Variants in PTPRF observed in about 807,000 individuals in gnomAD.
PTPRF encodes protein tyrosine phosphatase receptor type F.
Under a neutral mutation model 201.8 loss-of-function variants are expected in PTPRF, and 59 were observed. That is an observed-to-expected ratio of 0.29 (90% CI 0.24 to 0.36). PTPRF has a LOEUF of 0.36. Ranked by LOEUF, PTPRF falls within the 10% of genes least tolerant of loss-of-function variation. The pLI is 1.00. For missense variants in PTPRF, 2,132 were observed against 2,690.5 expected (o/e 0.79, Z 4.59); for synonymous variants, 1,088 against 1,089.7 (o/e 1.00, Z 0.03).
Position 43,621,082 on chromosome 1 carries a change from T to C in PTPRF, c.5520-15T>C. 1.9e-6 allele frequency: 3 copies of C among 1,613,230 alleles called. No homozygotes were observed. The highest frequency in any genetic ancestry group is 2.2e-5 in the South Asian group (2 of 91,036). On this transcript the variant is annotated splice_polypyrimidine_tract_variant and intron_variant, in intron 32 of 33. Transcript: ENST00000359947. ...AGGCAAGCAGGACTCCTGACCCAAC[T>C]GTGTTTCTGAGCAGTGCTGGCGTGG...
In PTPRF at chr1:43,605,170, GC is replaced by G; in HGVS notation, c.3136-16del. 2.5e-6 allele frequency: 4 copies of G among 1,582,870 alleles called. No homozygotes were observed. Among genetic ancestry groups the G allele is most frequent in the Non-Finnish European group, 3.5e-6 (4 of 1,158,872 alleles). ...GGAACCTCACCCAAAGGCATTGATTGCCCCTCCCGTCCCCCACAGATTCTGT... is the reference window on the plus strand; with the variant it reads ...GGAACCTCACCCAAAGGCATTGATTGCCCTCCCGTCCCCCACAGATTCTGT... On this transcript the variant is annotated intron_variant, in intron 17 of 33. Coordinates refer to ENST00000359947, the MANE Select transcript of PTPRF (RefSeq NM_002840.5).
Position 43,595,982 on chromosome 1 carries a change from G to A in PTPRF, c.1814-1766G>A, listed in dbSNP as rs189640992. Among the ~76,000 whole-genome samples the A allele has an allele frequency of 2.0e-4, 31 of 152,230 alleles. No individual in the cohort carries two copies. In the East Asian group the frequency reaches 2.9e-3, roughly 14 times the overall value. The stretch of plus-strand genomic sequence containing the variant: ...GCCTCTAGGGACGTGTGCATAGGAC[G>A]CCAGCCTGCCTCAGTGCCGCTGTAG... On this transcript the variant is annotated intron_variant, in intron 11 of 33. Transcript: ENST00000359947.
intron 3 of PTPRF, among the ~76,000 whole-genome samples, chr1:43,547,925 C>T (rs1462422050): frequency 6.6e-6 from 1 of 152,182 alleles, no homozygotes; most frequent in Admixed American, 6.5e-5. Context: ...GAGGTTTTTG[C>T]TGATCTCAAG....
chr1:43,613,285 C>T (rs746303811), intron 22 of PTPRF: 13 of 345,358 alleles, frequency 3.8e-5, no homozygotes, highest in Non-Finnish European at 7.3e-5. Flanking sequence ...GCTCCTGTCA[C>T]GTCTGCTGCC....
chr1:43,604,000 A>G lies in PTPRF; in HGVS notation c.2848A>G (p.Ser950Gly), dbSNP rs1319465451. ...VLAERNGRII[S>G]YTVVFRDINS... Reference sequence around the variant, plus strand: ...GGCGGAGAGGAACGGGCGCATCATCAGCTACACCGTGGTGTTCCGAGACAT... The same window carrying G: ...GGCGGAGAGGAACGGGCGCATCATCGGCTACACCGTGGTGTTCCGAGACAT... Residue 950 changes from serine to glycine, a missense_variant, in exon 16 of 34, where the codon AGC (serine) becomes GGC (glycine). Transcript: ENST00000359947. This position sits in a 1 kb window ranked among gnomAD's most constrained non-coding sequence, Gnocchi z 5.8. 6.2e-7 allele frequency: 1 copy of G among 1,614,216 alleles called. No homozygotes were observed. The highest frequency in any genetic ancestry group is 1.1e-5 in the South Asian group (1 of 91,080).
intron 5 of PTPRF, among the ~76,000 whole-genome samples, chr1:43,556,616 A>G (rs928822963): frequency 2.0e-5 from 3 of 152,210 alleles, no homozygotes; most frequent in African/African-American, 7.2e-5. Flanking sequence ...TAGAGGAGCC[A>G]TAGAGGACAG....
Position 43,613,628 on chromosome 1 carries a change from C to G in PTPRF, c.3984C>G (p.Asp1328Glu). The G allele has an allele frequency of 1.2e-6, 2 of 1,613,998 alleles. No individual in the cohort carries two copies. The highest frequency in any genetic ancestry group is 1.7e-6 in the Non-Finnish European group (2 of 1,179,828). ...RLNYQTPGMRDHPPIPITDLA... is the reference protein window; with the variant it reads ...RLNYQTPGMREHPPIPITDLA... ...CCCTACCTCCCCTAGGTATGCGAGA[C>G]CACCCACCCATCCCCATCACCGACC... The change falls in exon 23 of 34, where the codon GAC becomes GAG. Residue 1328 changes from aspartate to glutamate, a missense_variant. Asp to Glu is a conservative substitution (Grantham distance 45). This residue lies in a region of PTPRF where 818 missense variants were observed against 915.3 expected (regional missense o/e 0.89). Transcript: ENST00000359947.
intron 22 of PTPRF, among the ~76,000 whole-genome samples, chr1:43,611,929 G>A (rs898008252): frequency 6.6e-6 from 1 of 152,192 alleles, no homozygotes; most frequent in East Asian, 1.9e-4. Flanking sequence ...GAGGGGCCAA[G>A]GAGCATGTGG....
intron 19 of PTPRF, 85 bp from the exon 20 acceptor site, chr1:43,606,155 A>C: frequency 1.2e-5 from 17 of 1,437,738 alleles, no homozygotes; most frequent in Non-Finnish European, 1.5e-5. Flanking sequence ...ATCTCGGCCC[A>C]GGGAGCTGAC....
At position 43,553,630 on chromosome 1, in the gene PTPRF, G is replaced by A. The variant is rs367865707; in HGVS notation, c.230G>A (p.Arg77His). ...AAGGGGAAGAAAGTCAGCTCCCAGC[G>A]CTTCGAGGTGCGTCTGTGGTGGGAA... ...MKKGKKVSSQRFEVIEFDDGA... is the reference protein window; with the variant it reads ...MKKGKKVSSQHFEVIEFDDGA... The change falls in exon 4 of 34, where the codon CGC becomes CAC. Residue 77 changes from arginine to histidine, a missense_variant. By Grantham distance (29) the Arg-to-His change is conservative (BLOSUM62 0). Transcript: ENST00000359947. The surrounding 1 kb of genome is among the most constrained non-coding windows in gnomAD (Gnocchi z 4.1). The A allele has an allele frequency of 1.5e-4, 243 of 1,614,012 alleles. No homozygotes were observed. The highest frequency in any genetic ancestry group is 1.8e-4 in the Non-Finnish European group (210 of 1,180,044).
intron 13 of PTPRF, 148 bp from the exon 14 acceptor site, chr1:43,601,920 AGTT>A: frequency 3.9e-6 from 3 of 777,742 alleles, no homozygotes; most frequent in Non-Finnish European, 6.5e-6. Context: ...TTGAACCGGG[AGTT>A]GTTCTGGGGT....
chr1:43,544,772 C>T (rs55692137), intron 2 of PTPRF, among the ~76,000 whole-genome samples: 3,819 of 152,222 alleles, frequency 0.025, 147 homozygotes, highest in African/African-American at 0.086. Flanking sequence ...GAGAATGGCC[C>T]GAAGGCCTCC....
intron 7 of PTPRF, chr1:43,583,057 A>G: frequency 1.0e-6 from 1 of 985,074 alleles, no homozygotes; most frequent in Non-Finnish European, 1.2e-6. Flanking sequence ...GCACTCTGCC[A>G]TCAACCCAAA....
chr1:43,615,551 C>CTTTTGTTTTTTT (rs1657562261), intron 23 of PTPRF, among the ~76,000 whole-genome samples: 1 of 84,162 alleles, frequency 1.2e-5, no homozygotes, highest in African/African-American at 4.9e-5. Flanking sequence ...GCTCTGTTGT[C>CTTTTGTTTTTTT]TTTTTTTTTT....
chr1:43,606,033 C>G (rs1442898187), intron 19 of PTPRF, among the ~76,000 whole-genome samples: 1 of 152,218 alleles, frequency 6.6e-6, no homozygotes, highest in East Asian at 1.9e-4. Flanking sequence ...GCAGCTTACA[C>G]ACAGGGCTGC....
rs1033313312 is a variant in PTPRF at position 43,537,184 on chromosome 1, G to A, written c.-125-1014G>A. Among the ~76,000 whole-genome samples the A allele has an allele frequency of 6.6e-6, 1 of 152,108 alleles. No homozygotes were observed. Among genetic ancestry groups the A allele is most frequent in the Non-Finnish European group, 1.5e-5 (1 of 68,022 alleles). On this transcript the variant is annotated intron_variant, in intron 1 of 33. Transcript: ENST00000359947. The surrounding 1 kb of genome is among the most constrained non-coding windows in gnomAD (Gnocchi z 4.8). ...AGTGGTGATGAGGTGGTATGGGTGT[G>A]TCTGACCCCCACCCCCACCCAGGAT...
intron 7 of PTPRF, chr1:43,579,276 C>T (rs535495078): frequency 9.0e-5 from 45 of 498,166 alleles, no homozygotes; most frequent in Non-Finnish European, 1.7e-4. Flanking sequence ...GCACACTTAT[C>T]TGTGTGTAAA....
intron 1 of PTPRF, among the ~76,000 whole-genome samples, chr1:43,533,194 C>T (rs1643780397): frequency 6.6e-6 from 1 of 152,028 alleles, no homozygotes. Context: ...TCCTTCCTCC[C>T]TTTCTTCCTT....
intron 1 of PTPRF, among the ~76,000 whole-genome samples, chr1:43,534,134 G>A (rs1239283821): frequency 6.6e-6 from 1 of 152,174 alleles, no homozygotes; most frequent in Non-Finnish European, 1.5e-5. Context: ...GAAAGGACTT[G>A]AGATAGATAA....
Sources: allele counts gnomAD v4.1 joint callset (sites outside exome capture counted in the v4.1 genomes callset), GRCh38; gene constraint gnomAD v4.1.1; regional missense constraint gnomAD v4.1.1; non-coding constraint Gnocchi (gnomAD v3.1); transcripts MANE v1.5; gene names NCBI Gene and HGNC (gene_info 2026-07-23, HGNC 2026-07-21).